Variants in OTOL1 observed in about 807,000 individuals in gnomAD.
OTOL1 encodes the protein otolin 1, also known as otolin-1.
A neutral mutation model predicts 25.0 loss-of-function variants in OTOL1; 31 were observed. The observed-to-expected ratio is 1.24, with a 90% CI of 0.93 to 1.67. OTOL1 has a LOEUF of 1.67. OTOL1 is among the 40% of genes most tolerant of loss of function. OTOL1 has a pLI of 0.00. For synonymous variants in OTOL1, 225 were observed against 210.3 expected (o/e 1.07, Z -0.61); for missense variants, 654 against 587.7 (o/e 1.11, Z -1.17).
rs56207214 is a variant in OTOL1, at chr3:161,499,385, A to G, written c.454+125A>G. ...TTTTAAAAATGTAAATACTTGATAA[A>G]GCACATTATATTTGATATAAATATG... On this transcript the variant is annotated intron_variant, in intron 2 of 3. Coordinates refer to ENST00000327928, the MANE Select transcript of OTOL1 (RefSeq NM_001080440.1). The G allele has an allele frequency of 1.4e-3, 991 of 700,566 alleles. 4 individuals are homozygous for G. The highest frequency in any genetic ancestry group is 2.0e-3 in the Non-Finnish European group (848 of 415,710). The allele number at this position is 700,566 out of a possible 1,614,324, so 43.4% of individuals were successfully genotyped here.
At position 161,499,296 on chromosome 3, in the gene OTOL1, T is replaced by C. The variant is rs780517085; in HGVS notation, c.454+36T>C. ...CATTCATGTCAAAACTCAAGGGACA[T>C]TCTGCATCATTTTTCAGGAGAGCAA... is the stretch of plus-strand genomic sequence containing the variant. On this transcript the variant is annotated intron_variant, in intron 2 of 3. Transcript: ENST00000327928. The C allele has an allele frequency of 3.5e-5, 52 of 1,485,962 alleles. 1 individual carries two copies. The South Asian group carries it at 6.1e-4, about 17-fold the overall frequency. The allele number at this position is 1,485,962 out of a possible 1,614,324, so 92.0% of individuals were successfully genotyped here.
intron 1 of OTOL1, 24 bp from the exon 2 acceptor site, chr3:161,499,147 A>G: frequency 6.5e-7 from 1 of 1,532,942 alleles, no homozygotes; most frequent in Non-Finnish European, 8.9e-7. Context: ...TTATATTCTG[A>G]TGTATTTAAA....
Position 161,503,011 on chromosome 3 carries a change from A to C in OTOL1, c.518-15A>C. 7.6e-7 allele frequency: 1 copy of C among 1,316,448 alleles called. No homozygotes were observed. Among genetic ancestry groups the C allele is most frequent in the Non-Finnish European group, 9.7e-7 (1 of 1,026,876 alleles). 81.5% of individuals were successfully genotyped at this position (1,316,448 alleles called of 1,614,324 possible). ...CTATGTGATCCTTAAACATTATTTT[A>C]ATTTTCCATTTCAGGTGAACCTGGC... On this transcript the variant is annotated splice_polypyrimidine_tract_variant and intron_variant, in intron 3 of 3. Coordinates refer to ENST00000327928, the MANE Select transcript of OTOL1 (RefSeq NM_001080440.1).
intron 1 of OTOL1, 112 bp downstream of exon 1, chr3:161,497,283 A>G (rs1718858509): frequency 2.3e-6 from 3 of 1,281,250 alleles, no homozygotes; most frequent in East Asian, 2.3e-5. Context: ...GCAAATAGTA[A>G]CAGGTCTAGG....
chr3:161,501,619 T>C (rs1462455203), intron 2 of OTOL1, among the ~76,000 whole-genome samples: 8 of 152,074 alleles, frequency 5.3e-5, no homozygotes, highest in Non-Finnish European at 1.0e-4. Flanking sequence ...CTGTTTAAAC[T>C]TGTAGGGAAC....
chr3:161,503,087 A>G lies in OTOL1; in HGVS notation c.579A>G (p.Lys193=). 7.2e-7 allele frequency: 1 copy of G among 1,396,828 alleles called. No homozygotes were observed. Among genetic ancestry groups the G allele is most frequent in the Non-Finnish European group, 9.3e-7 (1 of 1,072,440 alleles). 86.5% of individuals were successfully genotyped at this position (1,396,828 alleles called of 1,614,324 possible). A position where few individuals can be genotyped will look rare whatever the true frequency, so the allele number is the denominator to read the frequency against. ...GTTTGGGAGGAGTGAAAGGACAAAAAGGCTCCAAGGGAGACACATGTGGGA... is the reference window on the plus strand; with the variant it reads ...GTTTGGGAGGAGTGAAAGGACAAAAGGGCTCCAAGGGAGACACATGTGGGA... ...NIGLGGVKGQ[K]GSKGDTCGNC... Residue 193 remains lysine, a synonymous_variant, in exon 4 of 4, where the codon AAA becomes AAG. Transcript: ENST00000327928.
chr3:161,502,161 C>T (rs1718988881), intron 2 of OTOL1, 146 bp from the exon 3 acceptor site: 3 of 716,528 alleles, frequency 4.2e-6, no homozygotes, highest in Non-Finnish European at 7.1e-6. Flanking sequence ...AGCCGCCGTG[C>T]CTGGCGTACA....
rs1718911247 is a variant in OTOL1 at position 161,499,174 on chromosome 3, C to CTTTA, written c.369_370insTTAT (p.Lys124LeufsTer2). 1 of 1,607,412 alleles carries CTTTA rather than the reference C, an allele frequency of 6.2e-7. No homozygotes were observed. Among genetic ancestry groups the CTTTA allele is most frequent in the Admixed American group, 1.7e-5 (1 of 59,186 alleles). On this transcript the variant is annotated frameshift_variant, in exon 2 of 4. Coordinates refer to ENST00000327928, the MANE Select transcript of OTOL1 (RefSeq NM_001080440.1). LOFTEE classifies it high-confidence loss of function. ...GTATTTAAAATCCCATTTCTAGGTC[C>CTTTA]TAAAGGAGAGGCTGGAAATTTGGGG...
chr3:161,503,734 A>G lies in OTOL1; in HGVS notation c.1226A>G (p.Asn409Ser), dbSNP rs374547500. The change falls in exon 4 of 4, where the codon AAT becomes AGT. Residue 409 changes from asparagine to serine, a missense_variant. Transcript: ENST00000327928. ...GCTCGAATCAGTCTGGTGGCCCAGA[A>G]TAAGAAGCAGTTCAAGTCCAGAGAA... ...RPARISLVAQ[N>S]KKQFKSRETL... 1.2e-6 allele frequency: 2 copies of G among 1,613,916 alleles called. No homozygotes were observed. The highest frequency in any genetic ancestry group is 1.7e-6 in the Non-Finnish European group (2 of 1,179,846).
Position 161,503,298 on chromosome 3 carries a change from G to C in OTOL1, c.790G>C (p.Glu264Gln). ...GQKGEGGMKG[E>Q]KGSKGDSGME... The stretch of plus-strand genomic sequence containing the variant: ...GAAAGGTGAGGGGGGTATGAAAGGG[G>C]AAAAAGGTAGCAAAGGAGACAGTGG... The change falls in exon 4 of 4, where the codon GAA (glutamate) becomes CAA (glutamine). Residue 264 changes from glutamate to glutamine, a missense_variant. By Grantham distance (29) the Glu-to-Gln change is conservative (BLOSUM62 2). Coordinates refer to ENST00000327928, the MANE Select transcript of OTOL1 (RefSeq NM_001080440.1). The C allele has an allele frequency of 6.8e-7, 1 of 1,473,938 alleles. No individual in the cohort carries two copies. The highest frequency in any genetic ancestry group is 1.3e-5 in the South Asian group (1 of 75,904). 91.3% of individuals were successfully genotyped at this position (1,473,938 alleles called of 1,614,324 possible).
intron 2 of OTOL1, among the ~76,000 whole-genome samples, chr3:161,501,095 G>C (rs1718964087): frequency 6.6e-6 from 1 of 152,114 alleles, no homozygotes; most frequent in African/African-American, 2.4e-5. Flanking sequence ...TTCTTTTGTT[G>C]ATAAAATGAT....
In OTOL1 at chr3:161,503,917, A is replaced by T. The variant is rs3921595; in HGVS notation, c.1409A>T (p.Glu470Val). 35 of 1,611,512 alleles carry T rather than the reference A, an allele frequency of 2.2e-5. No individual in the cohort carries two copies. Among genetic ancestry groups the T allele is most frequent in the East Asian group, 6.7e-5 (3 of 44,822 alleles). ...TTTACTGGGTTCCTTTTGTACCCAG[A>T]GGAAACTTCTGGAATTTCACCATAA... is the stretch of plus-strand genomic sequence containing the variant. ...SIFTGFLLYP[E>V]ETSGISP Residue 470 changes from glutamate to valine, a missense_variant, in exon 4 of 4, where the codon GAG (glutamate) becomes GTG (valine). Physicochemically the swap from Glu to Val is moderately radical, Grantham distance 121. Transcript: ENST00000327928.
At chr3:161,499,128 A>G (rs1269296568) in intron 1 of OTOL1, 43 bp from the exon 2 acceptor site, 3 of 1,473,280 alleles carry the variant, frequency 2.0e-6, no homozygotes, top group South Asian at 2.5e-5. Flanking sequence ...GAACTTTAAA[A>G]GAGAAATTTT....
rs568247147 is a variant in OTOL1 at position 161,503,529 on chromosome 3, C to T, written c.1021C>T (p.Pro341Ser). 4.8e-5 allele frequency: 77 copies of T among 1,613,776 alleles called. 1 individual carries two copies. In the South Asian group the frequency reaches 7.6e-4, roughly 16 times the overall value. ...KGSKGELARVPRSAFSAGLSK... is the reference protein window; with the variant it reads ...KGSKGELARVSRSAFSAGLSK... The stretch of plus-strand genomic sequence containing the variant: ...CTCCAAGGGTGAGTTGGCTAGAGTG[C>T]CCCGGTCGGCTTTCAGCGCTGGTTT... The change falls in exon 4 of 4, where the codon CCC becomes TCC. Residue 341 changes from proline to serine, a missense_variant. Coordinates refer to ENST00000327928, the MANE Select transcript of OTOL1 (RefSeq NM_001080440.1).
At chr3:161,501,718 T>G (rs1342188150) in intron 2 of OTOL1, among the ~76,000 whole-genome samples, 1 of 151,932 alleles carries the variant, frequency 6.6e-6, no homozygotes, top group African/African-American at 2.4e-5. Context: ...TGAATACATA[T>G]ATATATAATA....
At chr3:161,497,318 G>T in intron 1 of OTOL1, 147 bp downstream of exon 1, 1 of 935,458 alleles carries the variant, frequency 1.1e-6, no homozygotes, top group South Asian at 1.9e-5. Flanking sequence ...AAATGTAAAT[G>T]GGTGCTGTGT....
At chr3:161,502,968 T>C in intron 3 of OTOL1, 58 bp from the exon 4 acceptor site, 3 of 1,225,216 alleles carry the variant, frequency 2.4e-6, no homozygotes, top group Non-Finnish European at 2.1e-6. Context: ...TCTGTGGTAA[T>C]AGCATGCTGT....
Position 161,503,530 on chromosome 3 carries a change from C to T in OTOL1, c.1022C>T (p.Pro341Leu). ...KGSKGELARV[P>L]RSAFSAGLSK... is the part of the protein sequence containing the mutation. ...TCCAAGGGTGAGTTGGCTAGAGTGCCCCGGTCGGCTTTCAGCGCTGGTTTG... is the reference window on the plus strand; with the variant it reads ...TCCAAGGGTGAGTTGGCTAGAGTGCTCCGGTCGGCTTTCAGCGCTGGTTTG... The change falls in exon 4 of 4, where the codon CCC (proline) becomes CTC (leucine). Residue 341 changes from proline (P) to leucine (L), a missense_variant. By Grantham distance (98) the Pro-to-Leu change is moderately conservative. Coordinates refer to ENST00000327928, the MANE Select transcript of OTOL1 (RefSeq NM_001080440.1). The T allele has an allele frequency of 6.2e-7, 1 of 1,613,772 alleles. No homozygotes were observed. Among genetic ancestry groups the T allele is most frequent in the Non-Finnish European group, 8.5e-7 (1 of 1,179,834 alleles).
At chr3:161,501,604 G>A (rs1052128579) in intron 2 of OTOL1, among the ~76,000 whole-genome samples, 1 of 151,436 alleles carries the variant, frequency 6.6e-6, no homozygotes, top group Non-Finnish European at 1.5e-5. Context: ...AGGATGTTGT[G>A]CACTCTGTTT....
Sources: gnomAD v4.1 joint callset for allele counts (sites outside exome capture counted in the v4.1 genomes callset) on GRCh38, gnomAD v4.1.1 for gene constraint, MANE v1.5 for transcripts, NCBI Gene and HGNC (gene_info 2026-07-23, HGNC 2026-07-21) for gene names.